The following EBF4 variants were observed in gnomAD, a reference collection of about 807,000 sequenced individuals.
The protein encoded by EBF4 is transcription factor COE4.
A neutral mutation model predicts 67.1 loss-of-function variants in EBF4; 34 were observed. That is an observed-to-expected ratio of 0.51 (90% CI 0.39 to 0.67). The LOEUF is 0.67. Among genes scored for constraint, EBF4 ranks in the 30% least tolerant of loss-of-function variants. The pLI is 0.00. For synonymous variants in EBF4, 387 were observed against 377.7 expected (o/e 1.02, Z -0.29); for missense variants, 837 against 873.3 (o/e 0.96, Z 0.52).
chr20:2,723,592 A>G (rs965733326), intron 6 of EBF4, among the ~76,000 whole-genome samples: 23 of 151,502 alleles, frequency 1.5e-4, no homozygotes, highest in South Asian at 2.1e-4. Context: ...CTCGTGATCC[A>G]CCCGCCTCGG....
Position 2,755,676 on chromosome 20 carries a change from G to C in EBF4, c.1590G>C (p.Pro530=). The C allele has an allele frequency of 8.2e-7, 1 of 1,218,252 alleles. No individual in the cohort carries two copies. The highest frequency in any genetic ancestry group is 1.4e-5 in the South Asian group (1 of 71,202). The allele number at this position is 1,218,252 out of a possible 1,614,324, so 75.5% of individuals were successfully genotyped here. The stretch of plus-strand genomic sequence containing the variant: ...CGGCTGCCTCCTCCATGTCCCTCCC[G>C]GCCGCTGCCCCCACCACCAGCGTGT... Residue 530 remains proline, a synonymous_variant, in exon 15 of 17, where the codon CCG becomes CCC. Transcript: ENST00000609451. The surrounding 1 kb of genome is among the most constrained non-coding windows in gnomAD (Gnocchi z 4.7).
chr20:2,716,477 C>A (rs993784932), intron 6 of EBF4, among the ~76,000 whole-genome samples: 1 of 149,740 alleles, frequency 6.7e-6, no homozygotes, highest in Non-Finnish European at 1.5e-5. Flanking sequence ...TGTGGTGAGC[C>A]GAGATCGTGC....
rs1413351002 is a variant in EBF4 at position 2,696,620 on chromosome 20, G to T, written c.137+2838G>T. On this transcript the variant is annotated intron_variant, in intron 1 of 16. Coordinates refer to ENST00000609451, the Ensembl canonical transcript of EBF4. This position sits in a 1 kb window ranked among gnomAD's most constrained non-coding sequence, Gnocchi z 4.7. ...CCCAGCCTCCTCTGCATGATGCTTG[G>T]CAGGCAGTGGATACTTGGAGAATTA... is the stretch of plus-strand genomic sequence containing the variant. Among the ~76,000 whole-genome samples, 2 of 152,196 alleles carry T rather than the reference G, an allele frequency of 1.3e-5. No homozygotes were observed. Among genetic ancestry groups the T allele is most frequent in the African/African-American group, 2.4e-5 (1 of 41,506 alleles).
intron 6 of EBF4, among the ~76,000 whole-genome samples, chr20:2,712,278 A>G (rs981132006): frequency 3.9e-5 from 6 of 152,204 alleles, no homozygotes; most frequent in Non-Finnish European, 8.8e-5. Context: ...AAGCCAGTAC[A>G]ATAGCCCAGG....
At chr20:2,708,011 T>C (rs879913323) in exon 5 of EBF4, 74 of 1,608,550 alleles carry the variant, frequency 4.6e-5, no homozygotes, top group Non-Finnish European at 6.2e-5. Flanking sequence ...ACCCATGAGA[T>C]CATGTGCAGG....
At chr20:2,754,210 G>A (rs117171261) in intron 14 of EBF4, among the ~76,000 whole-genome samples, 1 of 152,126 alleles carries the variant, frequency 6.6e-6, no homozygotes, top group African/African-American at 2.4e-5. Flanking sequence ...CACTCCCCAC[G>A]TTCAGGGTGC....
chr20:2,745,321 A>G lies in EBF4; in HGVS notation c.558-3228A>G, dbSNP rs1409050250. On this transcript the variant is annotated intron_variant, in intron 6 of 16. Coordinates refer to ENST00000609451, the Ensembl canonical transcript of EBF4. The surrounding 1 kb of genome is among the most constrained non-coding windows in gnomAD (Gnocchi z 5.2). Reference sequence around the variant, plus strand: ...AGCCACACCATGGATGGTTTCGACTATGTGCTAGCTCTGAGGACAGGCCCA... The same window carrying G: ...AGCCACACCATGGATGGTTTCGACTGTGTGCTAGCTCTGAGGACAGGCCCA... Among the ~76,000 whole-genome samples the G allele has an allele frequency of 6.6e-6, 1 of 152,200 alleles. No homozygotes were observed. Among genetic ancestry groups the G allele is most frequent in the African/African-American group, 2.4e-5 (1 of 41,452 alleles).
At chr20:2,703,577 A>T (rs2087407796) in intron 1 of EBF4, among the ~76,000 whole-genome samples, 1 of 151,872 alleles carries the variant, frequency 6.6e-6, no homozygotes, top group Admixed American at 6.6e-5. Context: ...AGGCAGCGGG[A>T]TCATTTGAGT....
exon 13 of EBF4, chr20:2,752,109 G>A (rs2088158746): frequency 6.8e-7 from 1 of 1,461,652 alleles, no homozygotes; most frequent in African/African-American, 1.5e-5. Flanking sequence ...AGCGCGCGGC[G>A]GACGTGGCCG....
chr20:2,751,786 A>C lies in EBF4; in HGVS notation c.1105A>C (p.Lys369Gln). Residue 369 changes from lysine (K) to glutamine (Q), a missense_variant and splice_region_variant, in exon 11 of 17, where the codon AAG (lysine) becomes CAG (glutamine). Physicochemically the swap from Lys to Gln is moderately conservative, Grantham distance 53 (BLOSUM62 1). This residue lies in a region of EBF4 where 525 missense variants were observed against 496.5 expected (regional missense o/e 1.06). Transcript: ENST00000609451. This position sits in a 1 kb window ranked among gnomAD's most constrained non-coding sequence, Gnocchi z 5.2. ...CCCCGGAGACCCCGAGAGGCTGCCC[A>C]AGGTACTCAGAGGGGCGGGGCGGGG... 1 of 1,516,916 alleles carries C rather than the reference A, an allele frequency of 6.6e-7. No homozygotes were observed. The highest frequency in any genetic ancestry group is 8.9e-7 in the Non-Finnish European group (1 of 1,118,802). 94.0% of individuals were successfully genotyped at this position (1,516,916 alleles called of 1,614,324 possible).
At chr20:2,704,770 C>T (rs922626171) in intron 1 of EBF4, among the ~76,000 whole-genome samples, 6 of 152,232 alleles carry the variant, frequency 3.9e-5, no homozygotes, top group Admixed American at 3.9e-4. Flanking sequence ...CTCTTCCAGG[C>T]ATTTGCTCCT....
intron 1 of EBF4, among the ~76,000 whole-genome samples, chr20:2,695,656 C>G (rs2087278116): frequency 6.6e-6 from 1 of 152,212 alleles, no homozygotes; most frequent in Non-Finnish European, 1.5e-5. Context: ...CCTTCCTCCC[C>G]ACTCTTCCCC....
chr20:2,739,298 C>T lies in EBF4; in HGVS notation c.558-9251C>T, dbSNP rs754581185. 6.6e-6 allele frequency among the ~76,000 whole-genome samples: 1 copy of T among 152,004 alleles called. No homozygotes were observed. The highest frequency in any genetic ancestry group is 1.5e-5 in the Non-Finnish European group (1 of 68,004). On this transcript the variant is annotated intron_variant, in intron 6 of 16. Coordinates refer to ENST00000609451, the Ensembl canonical transcript of EBF4. The surrounding 1 kb of genome is among the most constrained non-coding windows in gnomAD (Gnocchi z 4.5). ...CTCAGTCTTGTCAGGCACCACTGATCGAGTGAGCCGTCTGCCCCGTGGTGG... is the reference window on the plus strand; with the variant it reads ...CTCAGTCTTGTCAGGCACCACTGATTGAGTGAGCCGTCTGCCCCGTGGTGG...
At chr20:2,728,860 G>A (rs140904037) in intron 6 of EBF4, among the ~76,000 whole-genome samples, 3 of 151,898 alleles carry the variant, frequency 2.0e-5, no homozygotes, top group Non-Finnish European at 2.9e-5. Flanking sequence ...TTCAATGGTG[G>A]GAATGGGCAA....
intron 6 of EBF4, among the ~76,000 whole-genome samples, chr20:2,727,106 G>T (rs373876828): frequency 6.6e-6 from 1 of 151,996 alleles, no homozygotes; most frequent in Non-Finnish European, 1.5e-5. Flanking sequence ...TGACAGGATT[G>T]CCTTCCTTTT....
chr20:2,698,714 G>A (rs1347867823), intron 1 of EBF4, among the ~76,000 whole-genome samples: 1 of 152,182 alleles, frequency 6.6e-6, no homozygotes, highest in African/African-American at 2.4e-5. Context: ...GGTGATGGGT[G>A]TCAACAAAGA....
rs953273950 is a variant in EBF4, at chr20:2,739,235, T to C, written c.558-9314T>C. On this transcript the variant is annotated intron_variant, in intron 6 of 16. Coordinates refer to ENST00000609451, the Ensembl canonical transcript of EBF4. The surrounding 1 kb of genome is among the most constrained non-coding windows in gnomAD (Gnocchi z 4.5). ...CCCAGAGGATCCAAGTCCCGCATGA[T>C]TTGGTCCCAACCCCAGGCCCCAAGC... Among the ~76,000 whole-genome samples the C allele has an allele frequency of 1.3e-5, 2 of 152,068 alleles. No individual in the cohort carries two copies. Among genetic ancestry groups the C allele is most frequent in the Admixed American group, 1.3e-4 (2 of 15,264 alleles).
chr20:2,743,596 C>T lies in EBF4; in HGVS notation c.558-4953C>T, dbSNP rs115567138. The stretch of plus-strand genomic sequence containing the variant: ...TGATACATGTGCGAGTGTGTGAGTG[C>T]GTGCGTATATGGAAAGGGGTTGAGG... On this transcript the variant is annotated intron_variant, in intron 6 of 16. Transcript: ENST00000609451. 4.3e-3 allele frequency among the ~76,000 whole-genome samples: 653 copies of T among 151,820 alleles called. 6 individuals are homozygous for T. Among genetic ancestry groups the T allele is most frequent in the African/African-American group, 0.015 (609 of 41,374 alleles).
intron 14 of EBF4, among the ~76,000 whole-genome samples, chr20:2,753,961 C>CTCCCTTGGTTTTGAAACTTT (rs1555789745): frequency 6.6e-6 from 1 of 151,404 alleles, no homozygotes; most frequent in African/African-American, 2.4e-5. Context: ...TCTGTGGGCA[C>CTCCCTTGGTTTTGAAACTTT]CCCCTTGGGC....
Sources: gnomAD v4.1 joint callset for allele counts (sites outside exome capture counted in the v4.1 genomes callset) on GRCh38, gnomAD v4.1.1 for gene constraint, gnomAD v4.1.1 regional missense constraint, Gnocchi (gnomAD v3.1) non-coding constraint, MANE v1.5 for transcripts, NCBI Gene and HGNC (gene_info 2026-07-23, HGNC 2026-07-21) for gene names.